Variants in DEXI observed in about 807,000 individuals in gnomAD.
The protein encoded by DEXI is Dexi homolog.
In DEXI, 2 loss-of-function variants were observed where a neutral mutation model predicts 2.5. That is an observed-to-expected ratio of 0.81 (90% CI 0.33 to 2.55). DEXI has a LOEUF of 2.55. Among genes scored for constraint, DEXI ranks in the 30% most tolerant of loss-of-function variants. The pLI is 0.11. For synonymous variants in DEXI, 71 were observed against 68.7 expected (o/e 1.03, Z -0.17); for missense variants, 108 against 130.3 (o/e 0.83, Z 0.83).
intron 1 of DEXI, chr16:10,931,624 A>G (rs2040799145): frequency 6.6e-6 from 1 of 152,254 alleles, no homozygotes. Flanking sequence ...TGGGTGGATC[A>G]GTTGAGATCA....
intron 1 of DEXI, chr16:10,936,291 T>C (rs941274405): frequency 2.6e-5 from 4 of 152,220 alleles, no homozygotes; most frequent in African/African-American, 9.7e-5. Context: ...CATAGGATTG[T>C]ATAGTGTATC....
intron 1 of DEXI, chr16:10,933,703 G>A (rs2040896971): frequency 1.3e-5 from 2 of 152,362 alleles, no homozygotes; most frequent in South Asian, 4.1e-4. Flanking sequence ...ACCTTCTCAA[G>A]GCTAGGGGCC....
rs1413464608 is a variant in DEXI at position 10,941,765 on chromosome 16, A to G, written c.241T>C (p.Tyr81His). 5.6e-6 allele frequency: 9 copies of G among 1,613,366 alleles called. No homozygotes were observed. The highest frequency in any genetic ancestry group is 7.6e-6 in the Non-Finnish European group (9 of 1,179,672). Residue 81 changes from tyrosine to histidine, a missense_variant, in exon 1 of 2, where the codon TAC becomes CAC. Transcript: ENST00000331808. This position sits in a 1 kb window ranked among gnomAD's most constrained non-coding sequence, Gnocchi z 6.4. ...ACGTCGAGCTCCGAGTCAGCATCGT[A>G]AAGGCCCGAGCCGGGGTCGGAGAGC... is the stretch of plus-strand genomic sequence containing the variant. ...GVLSDPGSGL[Y>H]DADSELDVFD...
Position 10,929,396 on chromosome 16 carries a change from T to A in DEXI, c.*313A>T. ...TCAGAAGCCAAGGCCAGGCCATCGA[T>A]TTGACACTGCAGGCAGATGAGGTCT... On this transcript the variant is annotated 3_prime_UTR_variant, in exon 2 of 2. Transcript: ENST00000331808. The surrounding 1 kb of genome is among the most constrained non-coding windows in gnomAD (Gnocchi z 4.3). 1 of 985,878 alleles carries A rather than the reference T, an allele frequency of 1.0e-6. No homozygotes were observed. The highest frequency in any genetic ancestry group is 1.2e-6 in the Non-Finnish European group (1 of 829,954). 61.1% of individuals were successfully genotyped at this position (985,878 alleles called of 1,614,324 possible).
In DEXI at chr16:10,941,675, G is replaced by T; in HGVS notation, c.*43C>A. 1 of 1,563,426 alleles carries T rather than the reference G, an allele frequency of 6.4e-7. No individual in the cohort carries two copies. The highest frequency in any genetic ancestry group is 8.7e-7 in the Non-Finnish European group (1 of 1,151,800). On this transcript the variant is annotated 3_prime_UTR_variant, in exon 1 of 2. Transcript: ENST00000331808. The surrounding 1 kb of genome is among the most constrained non-coding windows in gnomAD (Gnocchi z 6.4). ...ATCTGGGCGGCTGGTCCAGGGCATG[G>T]GTTGCGGATCGTGTAGGGAAGAGGG...
chr16:10,940,541 C>T lies in DEXI; in HGVS notation c.*149+1028G>A, dbSNP rs2041088104. ...GCCACTTAGACCCTGTGCCCAGTGACACTCCAGTACTGTCCAGTCTCAGGG... is the reference window on the plus strand; with the variant it reads ...GCCACTTAGACCCTGTGCCCAGTGATACTCCAGTACTGTCCAGTCTCAGGG... On this transcript the variant is annotated intron_variant, in intron 1 of 1. Coordinates refer to ENST00000331808, the MANE Select transcript of DEXI (RefSeq NM_014015.4). The surrounding 1 kb of genome is among the most constrained non-coding windows in gnomAD (Gnocchi z 4.2). 6.6e-6 allele frequency: 1 copy of T among 152,268 alleles called. No homozygotes were observed. The highest frequency in any genetic ancestry group is 2.4e-5 in the African/African-American group (1 of 41,460). 9.4% of individuals were successfully genotyped at this position (152,268 alleles called of 1,614,324 possible).
chr16:10,930,529 G>A (rs1158580097), intron 1 of DEXI: 1 of 152,196 alleles, frequency 6.6e-6, no homozygotes, highest in African/African-American at 2.4e-5. Flanking sequence ...ATAAGAAACT[G>A]AGGTTCTTAT....
rs547200985 is a variant in DEXI at position 10,934,494 on chromosome 16, A to AT, written c.*150-4936dup. 39 of 152,352 alleles carry AT rather than the reference A, an allele frequency of 2.6e-4. No individual in the cohort carries two copies. The highest frequency in any genetic ancestry group is 8.2e-4 in the African/African-American group (34 of 41,556). 9.4% of individuals were successfully genotyped at this position (152,352 alleles called of 1,614,324 possible). ...GAGCTGATCTGATCCGCTGCTGCGT[A>AT]TTCACTACCGCCCTGGGACGCCTCC... On this transcript the variant is annotated intron_variant, in intron 1 of 1. Coordinates refer to ENST00000331808, the MANE Select transcript of DEXI (RefSeq NM_014015.4). This position sits in a 1 kb window ranked among gnomAD's most constrained non-coding sequence, Gnocchi z 4.2.
Position 10,929,193 on chromosome 16 carries a change from A to C in DEXI, c.*516T>G. On this transcript the variant is annotated 3_prime_UTR_variant, in exon 2 of 2. Coordinates refer to ENST00000331808, the MANE Select transcript of DEXI (RefSeq NM_014015.4). The surrounding 1 kb of genome is among the most constrained non-coding windows in gnomAD (Gnocchi z 4.3). ...CTAAGACCAGCCTCGGGCTAAACCC[A>C]GCTGGCCTGAAGGCTCAACTCACAT... 1.0e-6 allele frequency: 1 copy of C among 985,398 alleles called. No homozygotes were observed. Among genetic ancestry groups the C allele is most frequent in the Non-Finnish European group, 1.2e-6 (1 of 829,576 alleles). 61.0% of individuals were successfully genotyped at this position (985,398 alleles called of 1,614,324 possible).
Position 10,942,235 on chromosome 16 carries a change from G to A in DEXI, c.-230C>T. 1 of 376,086 alleles carries A rather than the reference G, an allele frequency of 2.7e-6. No individual in the cohort carries two copies. The highest frequency in any genetic ancestry group is 4.7e-6 in the Non-Finnish European group (1 of 210,802). The allele number at this position is 376,086 out of a possible 1,614,324, so 23.3% of individuals were successfully genotyped here. On this transcript the variant is annotated 5_prime_UTR_variant, in exon 1 of 2. Coordinates refer to ENST00000331808, the MANE Select transcript of DEXI (RefSeq NM_014015.4). The surrounding 1 kb of genome is among the most constrained non-coding windows in gnomAD (Gnocchi z 5.0). ...CCAAGGATCTCTCGACCGCCCGGGCGGCGAGGCGGGCCCCCCTGAAGTGGC... is the reference window on the plus strand; with the variant it reads ...CCAAGGATCTCTCGACCGCCCGGGCAGCGAGGCGGGCCCCCCTGAAGTGGC...
At chr16:10,932,905 A>C (rs2040860001) in intron 1 of DEXI, 1 of 152,044 alleles carries the variant, frequency 6.6e-6, no homozygotes, top group East Asian at 1.9e-4. Context: ...GCCAGGCTAA[A>C]ATCTCATAAC....
chr16:10,929,385 C>G lies in DEXI; in HGVS notation c.*324G>C. 1 of 985,858 alleles carries G rather than the reference C, an allele frequency of 1.0e-6. No homozygotes were observed. The highest frequency in any genetic ancestry group is 1.2e-6 in the Non-Finnish European group (1 of 829,918). 61.1% of individuals were successfully genotyped at this position (985,858 alleles called of 1,614,324 possible). On this transcript the variant is annotated 3_prime_UTR_variant, in exon 2 of 2. Coordinates refer to ENST00000331808, the MANE Select transcript of DEXI (RefSeq NM_014015.4). This position sits in a 1 kb window ranked among gnomAD's most constrained non-coding sequence, Gnocchi z 4.3. Reference sequence around the variant, plus strand: ...GCTGCAAATAATCAGAAGCCAAGGCCAGGCCATCGATTTGACACTGCAGGC... The same window carrying G: ...GCTGCAAATAATCAGAAGCCAAGGCGAGGCCATCGATTTGACACTGCAGGC...
rs570827121 is a variant in DEXI, at chr16:10,939,312, A to T, written c.*149+2257T>A. The T allele has an allele frequency of 6.6e-6, 1 of 152,380 alleles. No individual in the cohort carries two copies. Among genetic ancestry groups the T allele is most frequent in the Admixed American group, 6.5e-5 (1 of 15,296 alleles). 9.4% of individuals were successfully genotyped at this position (152,380 alleles called of 1,614,324 possible). On this transcript the variant is annotated intron_variant, in intron 1 of 1. Coordinates refer to ENST00000331808, the MANE Select transcript of DEXI (RefSeq NM_014015.4). The surrounding 1 kb of genome is among the most constrained non-coding windows in gnomAD (Gnocchi z 4.9). The stretch of plus-strand genomic sequence containing the variant: ...TGCTTCCCCTCTTACCCCTCAGCTC[A>T]TTCTGTCCACAATTGCCAGAGTCAT...
At position 10,941,778 on chromosome 16, in the gene DEXI, G is replaced by C; in HGVS notation, c.228C>G (p.Pro76=). ...ALVDLGVLSD[P]GSGLYDADSE... Reference sequence around the variant, plus strand: ...AGTCAGCATCGTAAAGGCCCGAGCCGGGGTCGGAGAGCACGCCGAGGTCCA... The same window carrying C: ...AGTCAGCATCGTAAAGGCCCGAGCCCGGGTCGGAGAGCACGCCGAGGTCCA... The change falls in exon 1 of 2, where the codon CCC becomes CCG. Residue 76 remains proline, a synonymous_variant. Transcript: ENST00000331808. The surrounding 1 kb of genome is among the most constrained non-coding windows in gnomAD (Gnocchi z 6.4). 6.2e-7 allele frequency: 1 copy of C among 1,613,706 alleles called. No individual in the cohort carries two copies. Among genetic ancestry groups the C allele is most frequent in the East Asian group, 2.2e-5 (1 of 44,876 alleles).
chr16:10,933,165 C>A (rs1362836705), intron 1 of DEXI: 1 of 152,172 alleles, frequency 6.6e-6, no homozygotes, highest in African/African-American at 2.4e-5. Flanking sequence ...GAAACTGTAA[C>A]CTTTCATTCC....
Position 10,934,559 on chromosome 16 carries a change from GC to G in DEXI, c.*150-5001del, listed in dbSNP as rs1254623301. ...CTGGGGGAAACATCAGGACAGCGTG[GC>G]CAGGAGCCCAATGCTGCCACCTCAT... is the stretch of plus-strand genomic sequence containing the variant. On this transcript the variant is annotated intron_variant, in intron 1 of 1. Coordinates refer to ENST00000331808, the MANE Select transcript of DEXI (RefSeq NM_014015.4). The surrounding 1 kb of genome is among the most constrained non-coding windows in gnomAD (Gnocchi z 4.2). 1.3e-5 allele frequency: 2 copies of G among 152,336 alleles called. No individual in the cohort carries two copies. Among genetic ancestry groups the G allele is most frequent in the African/African-American group, 4.8e-5 (2 of 41,550 alleles). The allele number at this position is 152,336 out of a possible 1,614,324, so 9.4% of individuals were successfully genotyped here.
At chr16:10,931,784 G>C (rs1173096560) in intron 1 of DEXI, 2 of 152,268 alleles carry the variant, frequency 1.3e-5, no homozygotes, top group Non-Finnish European at 2.9e-5. Flanking sequence ...CCAGCTACTC[G>C]GGAGGCTGAG....
chr16:10,941,566 T>G lies in DEXI; in HGVS notation c.*149+3A>C. On this transcript the variant is annotated splice_donor_region_variant and intron_variant, in intron 1 of 1. Transcript: ENST00000331808. The surrounding 1 kb of genome is among the most constrained non-coding windows in gnomAD (Gnocchi z 6.4). ...CCTCATCCTGTTCAGAGAGGGCACTTACAGGCCTCGGAGGCAGGGGAGGGT... is the reference window on the plus strand; with the variant it reads ...CCTCATCCTGTTCAGAGAGGGCACTGACAGGCCTCGGAGGCAGGGGAGGGT... The G allele has an allele frequency of 6.9e-7, 1 of 1,449,208 alleles. No homozygotes were observed. Among genetic ancestry groups the G allele is most frequent in the Non-Finnish European group, 9.1e-7 (1 of 1,099,502 alleles). The allele number at this position is 1,449,208 out of a possible 1,614,324, so 89.8% of individuals were successfully genotyped here. A position where few individuals can be genotyped will look rare whatever the true frequency, so the allele number is the denominator to read the frequency against.
Position 10,940,696 on chromosome 16 carries a change from T to C in DEXI, c.*149+873A>G, listed in dbSNP as rs555674719. The C allele has an allele frequency of 6.6e-6, 1 of 152,438 alleles. No homozygotes were observed. Among genetic ancestry groups the C allele is most frequent in the East Asian group, 1.9e-4 (1 of 5,164 alleles). 9.4% of individuals were successfully genotyped at this position (152,438 alleles called of 1,614,324 possible). On this transcript the variant is annotated intron_variant, in intron 1 of 1. Coordinates refer to ENST00000331808, the MANE Select transcript of DEXI (RefSeq NM_014015.4). This position sits in a 1 kb window ranked among gnomAD's most constrained non-coding sequence, Gnocchi z 4.2. ...TCTCTTCCTTGTGACTATGACCAAG[T>C]CTTACTCCTTCCTGGACCTTCATTT...
Sources: gnomAD v4.1 joint callset for allele counts on GRCh38, gnomAD v4.1.1 for gene constraint, Gnocchi (gnomAD v3.1) non-coding constraint, MANE v1.5 for transcripts, NCBI Gene and HGNC (gene_info 2026-07-23, HGNC 2026-07-21) for gene names.